SORCS3: variants seen among roughly 807,000 people sequenced by gnomAD.
SORCS3 encodes VPS10 domain-containing receptor SorCS3.
Under a neutral mutation model 146.3 loss-of-function variants are expected in SORCS3, and 57 were observed. The ratio of observed to expected loss-of-function variants is 0.39; its 90% confidence interval spans 0.31 to 0.49. SORCS3 has a LOEUF of 0.49. SORCS3 is among the 20% of genes least tolerant of loss of function. SORCS3 has a pLI of 0.92. For missense variants in SORCS3, 1,341 were observed against 1,575.5 expected, an observed-to-expected ratio of 0.85 and a Z score of 2.52; for synonymous variants, 653 against 618.5, an observed-to-expected ratio of 1.06 and a Z score of -0.83.
At position 105,264,480 on chromosome 10, in the gene SORCS3, G is replaced by A. The variant is rs189156701; in HGVS notation, c.*1106G>A. The A allele has an allele frequency of 8.9e-4, 136 of 152,410 alleles. No homozygotes were observed. The highest frequency in any genetic ancestry group is 3.0e-3 in the African/African-American group (124 of 41,566). The allele number at this position is 152,410 out of a possible 1,614,324, so 9.4% of individuals were successfully genotyped here. ...GCTCAGAAAAGTCCCCTGGGCACTA[G>A]GTAAAGCCCAGTGAATGTCTCTTGG... On this transcript the variant is annotated 3_prime_UTR_variant, in exon 27 of 27. Transcript: ENST00000369701.
intron 4 of SORCS3, among the ~76,000 whole-genome samples, chr10:105,031,678 A>G (rs1355994209): frequency 1.3e-5 from 2 of 152,102 alleles, no homozygotes; most frequent in African/African-American, 4.8e-5. Flanking sequence ...TTAAGCAAAC[A>G]TTTGCTTCTG....
At chr10:104,953,433 T>C (rs1301012740) in intron 3 of SORCS3, among the ~76,000 whole-genome samples, 1 of 152,196 alleles carries the variant, frequency 6.6e-6, no homozygotes, top group Non-Finnish European at 1.5e-5. Flanking sequence ...TTAGAATAAT[T>C]GGAGTGCTTG....
chr10:104,789,786 C>A (rs2017475878), intron 1 of SORCS3, among the ~76,000 whole-genome samples: 1 of 152,196 alleles, frequency 6.6e-6, no homozygotes, highest in African/African-American at 2.4e-5. Flanking sequence ...GTCTGTCCTA[C>A]TTCCAAACCC....
At chr10:105,127,855 G>A (rs11192327) in intron 7 of SORCS3, among the ~76,000 whole-genome samples, 77,368 of 151,894 alleles carry the variant, frequency 0.51, 19,986 homozygotes, top group Admixed American at 0.55. Context: ...CTTTTGACAC[G>A]AGCCACTGTG....
intron 10 of SORCS3, among the ~76,000 whole-genome samples, chr10:105,158,444 A>T (rs1361260251): frequency 6.6e-6 from 1 of 152,242 alleles, no homozygotes; most frequent in Non-Finnish European, 1.5e-5. Flanking sequence ...TGGCTGAAGA[A>T]GGTGGAGGGC....
At chr10:104,897,685 A>G (rs930042255) in intron 2 of SORCS3, among the ~76,000 whole-genome samples, 1 of 152,216 alleles carries the variant, frequency 6.6e-6, no homozygotes, top group Non-Finnish European at 1.5e-5. Flanking sequence ...GAGATCAATG[A>G]CAGAAACTGG....
intron 2 of SORCS3, among the ~76,000 whole-genome samples, chr10:104,884,766 A>T (rs2018665180): frequency 1.3e-5 from 2 of 152,132 alleles, no homozygotes; most frequent in South Asian, 4.1e-4. Flanking sequence ...TTGAATTCTC[A>T]TAGATAGCTA....
At chr10:104,646,450 G>A (rs2015496518) in intron 1 of SORCS3, among the ~76,000 whole-genome samples, 1 of 152,202 alleles carries the variant, frequency 6.6e-6, no homozygotes, top group South Asian at 2.1e-4. Context: ...TCTTTGGGCT[G>A]TGTAAATCTA....
At chr10:104,861,751 A>T (rs2018406071) in intron 2 of SORCS3, among the ~76,000 whole-genome samples, 1 of 152,156 alleles carries the variant, frequency 6.6e-6, no homozygotes, top group African/African-American at 2.4e-5. Flanking sequence ...TCAGCCTGAT[A>T]GGGCCACCAT....
chr10:104,807,808 G>A (rs1288118570), intron 1 of SORCS3, among the ~76,000 whole-genome samples: 1 of 152,150 alleles, frequency 6.6e-6, no homozygotes, highest in African/African-American at 2.4e-5. Context: ...AGAATGTGAT[G>A]CATGAGGGAG....
At chr10:104,968,324 C>G (rs1344356975) in intron 3 of SORCS3, among the ~76,000 whole-genome samples, 1 of 152,188 alleles carries the variant, frequency 6.6e-6, no homozygotes, top group Non-Finnish European at 1.5e-5. Flanking sequence ...TCATATTGGT[C>G]AGGCTGGTCT....
chr10:105,003,230 A>T (rs1175856306), intron 4 of SORCS3, among the ~76,000 whole-genome samples: 1 of 152,196 alleles, frequency 6.6e-6, no homozygotes, highest in Non-Finnish European at 1.5e-5. Context: ...TAGTTATTAT[A>T]ATATTATTCT....
At chr10:105,019,733 A>G (rs995398566) in intron 4 of SORCS3, among the ~76,000 whole-genome samples, 5 of 152,238 alleles carry the variant, frequency 3.3e-5, no homozygotes, top group Admixed American at 2.0e-4. Context: ...GTATTTTCAC[A>G]TAAGAATCAT....
intron 4 of SORCS3, among the ~76,000 whole-genome samples, chr10:105,035,735 G>A (rs2055302202): frequency 6.6e-6 from 1 of 152,040 alleles, no homozygotes; most frequent in South Asian, 2.1e-4. Context: ...CAAAGTGTTG[G>A]GATTACCAGT....
At position 105,190,449 on chromosome 10, in the gene SORCS3, C is replaced by T. The variant is rs557971363; in HGVS notation, c.2010-9550C>T. Among the ~76,000 whole-genome samples, 40 of 152,310 alleles carry T rather than the reference C, an allele frequency of 2.6e-4. No individual in the cohort carries two copies. The South Asian group carries it at 5.0e-3, about 19-fold the overall frequency. ...GAGACGGAGTCTCGCTCTGTCACCT[C>T]GGCTGGAGTGCAGATCTCAGCTCAC... is the stretch of plus-strand genomic sequence containing the variant. On this transcript the variant is annotated intron_variant, in intron 14 of 26. Coordinates refer to ENST00000369701, the MANE Select transcript of SORCS3 (RefSeq NM_014978.3).
chr10:105,072,881 T>C (rs181851115), intron 5 of SORCS3, among the ~76,000 whole-genome samples: 1 of 152,226 alleles, frequency 6.6e-6, no homozygotes, highest in Admixed American at 6.5e-5. Context: ...GGCAGGCACG[T>C]AGTGAGTACT....
intron 14 of SORCS3, among the ~76,000 whole-genome samples, chr10:105,190,945 A>C (rs2056513418): frequency 1.3e-5 from 2 of 152,240 alleles, no homozygotes; most frequent in African/African-American, 4.8e-5. Flanking sequence ...ATCGTGTTAG[A>C]TACTGCTATT....
rs1191680466 is a variant in SORCS3, at chr10:104,641,365, C to G, written c.38C>G (p.Pro13Arg). ...CGCACGGAGCGCCCCGCAGGCAGGCCGGGGGCGCCGCTTGTCCGGACGGGG... is the reference window on the plus strand; with the variant it reads ...CGCACGGAGCGCCCCGCAGGCAGGCGGGGGGCGCCGCTTGTCCGGACGGGG... ...AARTERPAGR[P>R]GAPLVRTGLL... is the part of the protein sequence containing the mutation. The change falls in exon 1 of 27, where the codon CCG becomes CGG. Residue 13 changes from proline (P) to arginine (R), a missense_variant. Physicochemically the swap from Pro to Arg is moderately radical, Grantham distance 103. Coordinates refer to ENST00000369701, the MANE Select transcript of SORCS3 (RefSeq NM_014978.3). This position sits in a 1 kb window ranked among gnomAD's most constrained non-coding sequence, Gnocchi z 6.4. 1.3e-5 allele frequency: 19 copies of G among 1,411,680 alleles called. No individual in the cohort carries two copies. In the Admixed American group the frequency reaches 5.7e-4, roughly 42 times the overall value. 87.4% of individuals were successfully genotyped at this position (1,411,680 alleles called of 1,614,324 possible). A position where few individuals can be genotyped will look rare whatever the true frequency, so the allele number is the denominator to read the frequency against.
At chr10:105,219,608 T>A (rs900891514) in intron 19 of SORCS3, among the ~76,000 whole-genome samples, 2 of 152,222 alleles carry the variant, frequency 1.3e-5, no homozygotes, top group African/African-American at 4.8e-5. Context: ...CAGGTCCATG[T>A]TATCTTTTGG....
Sources: allele counts gnomAD v4.1 joint callset (sites outside exome capture counted in the v4.1 genomes callset), GRCh38; gene constraint gnomAD v4.1.1; non-coding constraint Gnocchi (gnomAD v3.1); transcripts MANE v1.5; gene names NCBI Gene and HGNC (gene_info 2026-07-23, HGNC 2026-07-21).